Variants in GRM8 observed in about 807,000 individuals in gnomAD.
The protein encoded by GRM8 is metabotropic glutamate receptor 8.
Under a neutral mutation model 87.2 loss-of-function variants are expected in GRM8, and 47 were observed. The ratio of observed to expected loss-of-function variants is 0.54; its 90% CI spans 0.43 to 0.69. The LOEUF (loss-of-function observed/expected upper bound fraction) is 0.69. Among genes scored for constraint, GRM8 ranks in the 30% least tolerant of loss-of-function variants. The probability of loss-of-function intolerance (pLI) is 0.00; values close to 1 mark genes in which losing one functional copy is unlikely to be tolerated. For synonymous variants in GRM8, 396 were observed against 404.5 expected (o/e 0.98, Z 0.25); for missense variants, 1,019 against 1,139.2 (o/e 0.89, Z 1.52).
At chr7:126,519,832 AC>A (rs1312878921) in intron 9 of GRM8, among the ~76,000 whole-genome samples, 3 of 152,112 alleles carry the variant, frequency 2.0e-5, no homozygotes, top group Admixed American at 2.0e-4. Flanking sequence ...AACAGATTCC[AC>A]CCAGATGTGG....
intron 1 of GRM8, among the ~76,000 whole-genome samples, chr7:127,248,910 T>C (rs1445407392): frequency 1.3e-5 from 2 of 152,162 alleles, no homozygotes; most frequent in African/African-American, 4.8e-5. Flanking sequence ...TCAATGGAAC[T>C]ACCATGCCTG....
At chr7:126,839,041 A>G (rs979929945) in intron 6 of GRM8, among the ~76,000 whole-genome samples, 6 of 152,060 alleles carry the variant, frequency 3.9e-5, no homozygotes, top group African/African-American at 1.4e-4. Flanking sequence ...ATTTCCCAAT[A>G]TATTATTAAA....
chr7:126,580,865 G>A (rs76333793), intron 8 of GRM8, among the ~76,000 whole-genome samples: 1,832 of 151,966 alleles, frequency 0.012, 37 homozygotes, highest in African/African-American at 0.042. Flanking sequence ...AAAGGAATTC[G>A]TAGTTAAAAC....
chr7:126,615,701 C>CA (rs1312135516), intron 7 of GRM8, among the ~76,000 whole-genome samples: 1 of 151,670 alleles, frequency 6.6e-6, no homozygotes, highest in Non-Finnish European at 1.5e-5. Context: ...AAATGGAAAA[C>CA]AAAAAAAGGC....
intron 3 of GRM8, among the ~76,000 whole-genome samples, chr7:126,927,154 GAAGC>G (rs1450488351): frequency 6.6e-6 from 1 of 152,036 alleles, no homozygotes; most frequent in Non-Finnish European, 1.5e-5. Flanking sequence ...AAAATTTTTA[GAAGC>G]AAGGTCTCAC....
At chr7:127,016,498 G>T (rs1815679546) in intron 3 of GRM8, among the ~76,000 whole-genome samples, 1 of 152,052 alleles carries the variant, frequency 6.6e-6, no homozygotes, top group South Asian at 2.1e-4. Context: ...ATATAATCGT[G>T]TTACTGCCTC....
intron 6 of GRM8, among the ~76,000 whole-genome samples, chr7:126,788,093 C>A (rs955658324): frequency 4.0e-5 from 6 of 151,888 alleles, no homozygotes; most frequent in Admixed American, 3.3e-4. Flanking sequence ...TGATGAGTTA[C>A]CTGAAAAATG....
intron 7 of GRM8, among the ~76,000 whole-genome samples, chr7:126,762,980 CTT>C (rs1189847176): frequency 2.0e-5 from 3 of 151,700 alleles, no homozygotes; most frequent in Non-Finnish European, 4.4e-5. Flanking sequence ...ATAAGTGAGA[CTT>C]AACATTTTTT....
Position 126,902,697 on chromosome 7 carries a change from G to T in GRM8, c.1019-18C>A, listed in dbSNP as rs1802218188. On this transcript the variant is annotated intron_variant, in intron 5 of 10. Coordinates refer to ENST00000339582, the MANE Select transcript of GRM8 (RefSeq NM_000845.3). ...ATCAAATCCTATTTCAAAGGAGAAA[G>T]GTATGATTTTAATATTCTTTCAAAA... is the stretch of plus-strand genomic sequence containing the variant. 1.3e-6 allele frequency: 2 copies of T among 1,533,428 alleles called. No homozygotes were observed. The highest frequency in any genetic ancestry group is 1.8e-6 in the Non-Finnish European group (2 of 1,128,836). The allele number at this position is 1,533,428 out of a possible 1,614,324, so 95.0% of individuals were successfully genotyped here.
At chr7:126,797,786 G>C (rs1448150326) in intron 6 of GRM8, among the ~76,000 whole-genome samples, 1 of 152,046 alleles carries the variant, frequency 6.6e-6, no homozygotes, top group Middle Eastern at 3.2e-3. Flanking sequence ...CTAGGACTAA[G>C]ATTGTGTAAA....
chr7:126,551,894 C>T (rs1158889668), intron 8 of GRM8, among the ~76,000 whole-genome samples: 1 of 152,092 alleles, frequency 6.6e-6, no homozygotes. Flanking sequence ...CAACTTCTCA[C>T]AGGTTACAAA....
intron 7 of GRM8, among the ~76,000 whole-genome samples, chr7:126,672,854 C>G (rs1806524144): frequency 6.6e-6 from 1 of 152,182 alleles, no homozygotes; most frequent in South Asian, 2.1e-4. Flanking sequence ...TCACATGGCC[C>G]CTTCTACTAG....
chr7:126,869,573 C>G (rs994409855), intron 6 of GRM8: 5 of 152,122 alleles, frequency 3.3e-5, no homozygotes, highest in African/African-American at 1.2e-4. Flanking sequence ...TTAGCAGATA[C>G]AAAAACAGCA....
In GRM8 at chr7:126,573,801, G is replaced by T. The variant is rs191732203; in HGVS notation, c.1494+35561C>A. 1.8e-3 allele frequency among the ~76,000 whole-genome samples: 270 copies of T among 152,102 alleles called. 2 individuals carry two copies. Among genetic ancestry groups the T allele is most frequent in the African/African-American group, 6.3e-3 (262 of 41,520 alleles). The stretch of plus-strand genomic sequence containing the variant: ...GGGTTTCACCATGTTGCTCAGGCTG[G>T]TCTCAAACTCCTGAGAGTCAGGTGA... On this transcript the variant is annotated intron_variant, in intron 8 of 10. Coordinates refer to ENST00000339582, the MANE Select transcript of GRM8 (RefSeq NM_000845.3).
chr7:127,192,043 CT>C (rs1046135512), intron 2 of GRM8, among the ~76,000 whole-genome samples: 1 of 152,010 alleles, frequency 6.6e-6, no homozygotes, highest in African/African-American at 2.4e-5. Context: ...CGTTTCTCCC[CT>C]TTTTTGTAAA....
chr7:126,764,043 G>A (rs958545842), intron 7 of GRM8, among the ~76,000 whole-genome samples: 1 of 151,810 alleles, frequency 6.6e-6, no homozygotes, highest in Non-Finnish European at 1.5e-5. Flanking sequence ...TTAATACTAT[G>A]TAGAAAAGTC....
At chr7:126,940,860 T>A (rs183583680) in intron 3 of GRM8, among the ~76,000 whole-genome samples, 4 of 152,292 alleles carry the variant, frequency 2.6e-5, no homozygotes, top group East Asian at 1.9e-4. Flanking sequence ...GAGCCCAGCC[T>A]GGAGCCAGTG....
At chr7:126,742,041 G>A (rs1425121836) in intron 7 of GRM8, among the ~76,000 whole-genome samples, 2 of 151,864 alleles carry the variant, frequency 1.3e-5, no homozygotes, top group African/African-American at 4.8e-5. Context: ...ACTTGGCCCT[G>A]CAAAGCCACC....
intron 7 of GRM8, among the ~76,000 whole-genome samples, chr7:126,735,368 A>C (rs1814088728): frequency 6.6e-6 from 1 of 152,106 alleles, no homozygotes; most frequent in Non-Finnish European, 1.5e-5. Context: ...GGAATCAATG[A>C]TATTCAAATT....
Sources: gnomAD v4.1 joint callset for allele counts (sites outside exome capture counted in the v4.1 genomes callset) on GRCh38, gnomAD v4.1.1 for gene constraint, MANE v1.5 for transcripts, NCBI Gene and HGNC (gene_info 2026-07-23, HGNC 2026-07-21) for gene names.